The following PATJ variants were observed in gnomAD, a reference collection of about 807,000 sequenced individuals.
PATJ encodes the protein PATJ crumbs cell polarity complex component.
A neutral mutation model predicts 224.9 loss-of-function variants in PATJ; 190 were observed. The ratio of observed to expected loss-of-function variants is 0.84; its 90% CI spans 0.75 to 0.95. PATJ has a LOEUF of 0.95. Ranked by LOEUF, PATJ falls within the 40% of genes least tolerant of loss-of-function variation. The probability of loss-of-function intolerance (pLI) is 0.00; values close to 1 mark genes in which losing one functional copy is unlikely to be tolerated. For missense variants in PATJ, 2,121 were observed against 2,270.3 expected, an observed-to-expected ratio of 0.93 and a Z score of 1.34; for synonymous variants, 769 against 820.3, an observed-to-expected ratio of 0.94 and a Z score of 1.07.
intron 43 of PATJ, among the ~76,000 whole-genome samples, chr1:62,158,389 T>C (rs1669460585): frequency 6.8e-6 from 1 of 148,148 alleles, no homozygotes; most frequent in African/African-American, 2.4e-5. Context: ...TCCCAGCACT[T>C]TGGGAGGCTG....
At chr1:62,106,079 T>TATATAC (rs1313613418) in intron 33 of PATJ, among the ~76,000 whole-genome samples, 11 of 20,766 alleles carry the variant, frequency 5.3e-4, no homozygotes, top group Admixed American at 1.8e-3. Flanking sequence ...TATATATATA[T>TATATAC]ACACACACAC....
intron 26 of PATJ, among the ~76,000 whole-genome samples, chr1:61,923,824 A>C (rs1674694209): frequency 6.6e-6 from 1 of 150,528 alleles, no homozygotes; most frequent in Non-Finnish European, 1.5e-5. Context: ...TGGGAGGCTG[A>C]GGAAGGAGAC....
intron 27 of PATJ, among the ~76,000 whole-genome samples, chr1:61,973,985 G>T (rs1189649085): frequency 2.0e-5 from 3 of 151,362 alleles, no homozygotes; most frequent in African/African-American, 7.3e-5. Flanking sequence ...ATTTCATAAA[G>T]ATCTTTTTTT....
intron 31 of PATJ, among the ~76,000 whole-genome samples, chr1:62,072,270 A>G (rs1475159272): frequency 4.6e-5 from 7 of 151,196 alleles, no homozygotes; most frequent in Non-Finnish European, 7.4e-5. Context: ...ATCCCCCAGT[A>G]TTTTCTGTAG....
intron 7 of PATJ, among the ~76,000 whole-genome samples, chr1:61,781,170 A>C (rs1479564515): frequency 6.6e-6 from 1 of 152,134 alleles, no homozygotes; most frequent in Non-Finnish European, 1.5e-5. Flanking sequence ...TTGTTGTTTG[A>C]ATTTATCCAA....
At chr1:61,895,390 A>T (rs1332462790) in intron 22 of PATJ, among the ~76,000 whole-genome samples, 1 of 152,180 alleles carries the variant, frequency 6.6e-6, no homozygotes, top group Non-Finnish European at 1.5e-5. Flanking sequence ...GGAGTGAAAA[A>T]TGGTTTTGTG....
intron 14 of PATJ, among the ~76,000 whole-genome samples, chr1:61,815,901 T>C (rs1433563715): frequency 6.6e-6 from 1 of 152,170 alleles, no homozygotes; most frequent in East Asian, 1.9e-4. Flanking sequence ...GATGGCTTTC[T>C]TGGCAAGTGT....
intron 31 of PATJ, among the ~76,000 whole-genome samples, chr1:62,060,860 T>G (rs531808894): frequency 6.6e-6 from 1 of 152,212 alleles, no homozygotes; most frequent in African/African-American, 2.4e-5. Context: ...TTTATTTTAT[T>G]TCTGTATTTT....
chr1:62,130,949 A>T (rs1315006455), intron 41 of PATJ, among the ~76,000 whole-genome samples: 2 of 152,194 alleles, frequency 1.3e-5, no homozygotes, highest in Non-Finnish European at 2.9e-5. Context: ...TTTAAAAAGT[A>T]AGTGGCTTTC....
chr1:61,771,657 T>G, intron 6 of PATJ, 31 bp downstream of exon 6: 2 of 1,444,032 alleles, frequency 1.4e-6, no homozygotes, highest in Non-Finnish European at 1.9e-6. Context: ...AATACTTAAT[T>G]TTGAATAATG....
At chr1:61,832,769 ATAGAAGTT>A (rs1659561153) in intron 16 of PATJ, among the ~76,000 whole-genome samples, 2 of 152,132 alleles carry the variant, frequency 1.3e-5, no homozygotes, top group Non-Finnish European at 2.9e-5. Flanking sequence ...TGAGCTTCAG[ATAGAAGTT>A]TAGAGTATTT....
intron 22 of PATJ, among the ~76,000 whole-genome samples, chr1:61,896,345 G>T (rs1670365315): frequency 6.6e-6 from 1 of 151,872 alleles, no homozygotes; most frequent in African/African-American, 2.4e-5. Context: ...GGACTTACAT[G>T]GGGCCTGTGG....
intron 17 of PATJ, among the ~76,000 whole-genome samples, chr1:61,852,119 TAAAAAAA>T (rs3030913): frequency 1.8e-5 from 2 of 108,916 alleles, no homozygotes; most frequent in African/African-American, 7.1e-5. Flanking sequence ...GATTCTGTCT[TAAAAAAA>T]AAAAAAAAAA....
Position 61,875,346 on chromosome 1 carries a change from C to T in PATJ, c.2939C>T (p.Ala980Val). 1 of 1,608,842 alleles carries T rather than the reference C, an allele frequency of 6.2e-7. No homozygotes were observed. Among genetic ancestry groups the T allele is most frequent in the African/African-American group, 1.3e-5 (1 of 74,772 alleles). ...FDDLENLNSL[A>V]KTSLDLGMIP... ...GACCTGGAAAATCTTAATTCATTAG[C>T]AAAAACTAGTCTGGATTTAGGTTTG... Residue 980 changes from alanine (A) to valine (V), a missense_variant, in exon 21 of 44, where the codon GCA becomes GTA. Ala to Val is a moderately conservative substitution (Grantham distance 64). Coordinates refer to ENST00000642238, the MANE Select transcript of PATJ (RefSeq NM_001350145.3).
intron 41 of PATJ, among the ~76,000 whole-genome samples, chr1:62,140,314 C>T (rs764958641): frequency 1.3e-4 from 20 of 152,112 alleles, no homozygotes; most frequent in Non-Finnish European, 2.8e-4. Context: ...TTCCATAAGA[C>T]GATGCTACAG....
At chr1:62,149,556 T>C (rs534549399) in intron 42 of PATJ, among the ~76,000 whole-genome samples, 1 of 151,736 alleles carries the variant, frequency 6.6e-6, no homozygotes, top group African/African-American at 2.4e-5. Flanking sequence ...GCCATGAACA[T>C]ATGACAACAC....
intron 27 of PATJ, among the ~76,000 whole-genome samples, chr1:61,941,650 CAATAAATA>C (rs755332851): frequency 6.6e-6 from 1 of 151,742 alleles, no homozygotes; most frequent in Non-Finnish European, 1.5e-5. Flanking sequence ...GACTCTGTCT[CAATAAATA>C]AATAAATAAA....
At chr1:62,138,768 G>A (rs938613084) in intron 41 of PATJ, among the ~76,000 whole-genome samples, 1 of 152,238 alleles carries the variant, frequency 6.6e-6, no homozygotes, top group Non-Finnish European at 1.5e-5. Context: ...GACCACAGCT[G>A]CAGATCTTAG....
At chr1:61,779,331 T>C (rs1341429741) in intron 7 of PATJ, among the ~76,000 whole-genome samples, 2 of 152,224 alleles carry the variant, frequency 1.3e-5, no homozygotes, top group Non-Finnish European at 2.9e-5. Flanking sequence ...TTGAGATCTA[T>C]AGGGCAGGCC....
Sources: allele counts gnomAD v4.1 joint callset (sites outside exome capture counted in the v4.1 genomes callset), GRCh38; gene constraint gnomAD v4.1.1; transcripts MANE v1.5; gene names NCBI Gene and HGNC (gene_info 2026-07-23, HGNC 2026-07-21).